OPHN1: variants seen among roughly 807,000 people sequenced by gnomAD.
OPHN1 encodes the protein oligophrenin-1.
OPHN1 carries 11 observed loss-of-function variants against 60.7 expected under a neutral mutation model. The ratio of observed to expected loss-of-function variants is 0.18; its 90% CI spans 0.11 to 0.30. The LOEUF is 0.30. Ranked by LOEUF, OPHN1 falls within the 10% of genes least tolerant of loss-of-function variation. OPHN1 has a pLI of 1.00. For missense variants in OPHN1, 449 were observed against 611.0 expected (o/e 0.73, Z 2.80); for synonymous variants, 226 against 222.6 (o/e 1.02, Z -0.14).
intron 15 of OPHN1, among the ~76,000 whole-genome samples, chrX:68,169,591 C>A (rs1487941951): frequency 4.2e-4 from 45 of 108,030 alleles, no homozygotes; most frequent in African/African-American, 1.5e-3. Context: ...AGATATAGAC[C>A]AATGGAACAG....
chrX:68,158,217 G>C (rs918016777), intron 15 of OPHN1, among the ~76,000 whole-genome samples: 1 of 112,804 alleles, frequency 8.9e-6, no homozygotes, highest in African/African-American at 3.2e-5. Context: ...AAGCAGTGTA[G>C]AAAGAGAAAC....
intron 15 of OPHN1, among the ~76,000 whole-genome samples, chrX:68,186,203 T>G (rs1159126922): frequency 9.0e-6 from 1 of 111,578 alleles, no homozygotes; most frequent in Admixed American, 9.6e-5. Flanking sequence ...CATTCTTCAC[T>G]GTTACATCCC....
At chrX:68,281,780 G>T (rs1405214345) in intron 4 of OPHN1, among the ~76,000 whole-genome samples, 1 of 112,190 alleles carries the variant, frequency 8.9e-6, no homozygotes, top group Non-Finnish European at 1.9e-5. Flanking sequence ...CACCAGAAAG[G>T]ATATACCGAT....
At chrX:68,075,731 A>G (rs1362435576) in intron 19 of OPHN1, among the ~76,000 whole-genome samples, 6 of 101,811 alleles carry the variant, frequency 5.9e-5, no homozygotes, top group Non-Finnish European at 7.9e-5. Flanking sequence ...AAGGCAATTC[A>G]GTGGAGAAAG....
chrX:68,376,017 C>G (rs1045495869), intron 2 of OPHN1, among the ~76,000 whole-genome samples: 4 of 111,732 alleles, frequency 3.6e-5, no homozygotes, highest in African/African-American at 1.3e-4. Flanking sequence ...GCTCTTCAGT[C>G]ACTGGATCTG....
chrX:68,081,550 A>T (rs909236296), intron 19 of OPHN1, among the ~76,000 whole-genome samples: 1 of 111,717 alleles, frequency 9.0e-6, no homozygotes, highest in Admixed American at 9.5e-5. Flanking sequence ...GAGCCACACA[A>T]TTTTTTCTGG....
chrX:68,175,155 C>T (rs1433641842), intron 15 of OPHN1, among the ~76,000 whole-genome samples: 1 of 110,821 alleles, frequency 9.0e-6, no homozygotes, highest in African/African-American at 3.3e-5. Context: ...ACAAATTCTT[C>T]CCTACAGAGA....
chrX:68,301,921 T>C (rs935477364), intron 2 of OPHN1, among the ~76,000 whole-genome samples: 1 of 112,674 alleles, frequency 8.9e-6, no homozygotes, highest in Non-Finnish European at 1.9e-5. Context: ...ATTGATTAAT[T>C]AGTGTAGACA....
chrX:68,357,670 G>T (rs1304918103), intron 2 of OPHN1, among the ~76,000 whole-genome samples: 2 of 110,693 alleles, frequency 1.8e-5, no homozygotes. Context: ...CATGTGGGTT[G>T]GTTCCAAGTC....
At chrX:68,296,456 G>A (rs890808858) in intron 3 of OPHN1, among the ~76,000 whole-genome samples, 23 of 109,851 alleles carry the variant, frequency 2.1e-4, no homozygotes, top group South Asian at 8.0e-4. Flanking sequence ...TCAGGTGTTC[G>A]AGACCAGCCT....
rs150824131 is a variant in OPHN1, at chrX:68,433,000, C to T, written c.21G>A (p.Glu7=). 1.7e-6 allele frequency: 2 copies of T among 1,207,930 alleles called. No individual in the cohort carries two copies. MGHPPL[E]FSDCYLDSPD... ...GGCTGTCCAGGTAGCAGTCGCTGAA[C>T]TCCAGCGGGGGATGACCCATGGTTC... The change falls in exon 2 of 25, where the codon GAG becomes GAA. Residue 7 remains glutamate, a synonymous_variant. Transcript: ENST00000355520.
Position 68,314,922 on chromosome X carries a change from G to A in OPHN1, c.155-15826C>T, listed in dbSNP as rs143127340. Among the ~76,000 whole-genome samples, 76 of 106,508 alleles carry A rather than the reference G, an allele frequency of 7.1e-4. 1 individual carries two copies. In the East Asian group the frequency reaches 0.022, roughly 31 times the overall value. 92.5% of individuals were successfully genotyped at this position (106,508 alleles called of 115,157 possible). A position where few individuals can be genotyped will look rare whatever the true frequency, so the allele number is the denominator to read the frequency against. On this transcript the variant is annotated intron_variant, in intron 2 of 24. Transcript: ENST00000355520. ...AACCGCTTGAACCCAGGAGGTGGAG[G>A]TTGCAGTGAGCCAAGATCGTGTCAC...
chrX:68,307,133 T>C (rs892026989), intron 2 of OPHN1, among the ~76,000 whole-genome samples: 12 of 111,291 alleles, frequency 1.1e-4, no homozygotes, highest in African/African-American at 3.6e-4. Context: ...TTACTATAGC[T>C]GTATTACATT....
intron 2 of OPHN1, among the ~76,000 whole-genome samples, chrX:68,333,669 G>T (rs183859941): frequency 2.9e-3 from 313 of 108,127 alleles, no homozygotes; most frequent in Non-Finnish European, 5.0e-3. Flanking sequence ...GCGCGCGTGC[G>T]TGCACACACA....
At chrX:68,407,960 CT>C (rs2078751628) in intron 2 of OPHN1, among the ~76,000 whole-genome samples, 1 of 112,094 alleles carries the variant, frequency 8.9e-6, no homozygotes, top group African/African-American at 3.2e-5. Context: ...TTTCTGCATT[CT>C]TTTTGTTGTT....
At chrX:68,141,933 AAAGAAAG>A (rs2077244805) in intron 15 of OPHN1, among the ~76,000 whole-genome samples, 1 of 106,565 alleles carries the variant, frequency 9.4e-6, no homozygotes, top group African/African-American at 3.4e-5. Context: ...AGAAAGAAAG[AAAGAAAG>A]AAAGAAAGAA....
At chrX:68,352,516 G>A (rs1343449577) in intron 2 of OPHN1, among the ~76,000 whole-genome samples, 1 of 111,025 alleles carries the variant, frequency 9.0e-6, no homozygotes, top group Non-Finnish European at 1.9e-5. Flanking sequence ...TAGTATCACT[G>A]GAGCTACAAT....
At chrX:68,281,634 C>T (rs867463617) in intron 4 of OPHN1, among the ~76,000 whole-genome samples, 1 of 111,575 alleles carries the variant, frequency 9.0e-6, no homozygotes, top group Admixed American at 9.5e-5. Context: ...AATAAAAAGA[C>T]AAGCCACAGA....
chrX:68,263,023 C>T (rs2077902485), intron 5 of OPHN1, among the ~76,000 whole-genome samples: 1 of 111,984 alleles, frequency 8.9e-6, no homozygotes, highest in African/African-American at 3.2e-5. Flanking sequence ...CAATAGAGTT[C>T]TGTTATAAAA....
Sources: allele counts gnomAD v4.1 joint callset (sites outside exome capture counted in the v4.1 genomes callset), GRCh38; gene constraint gnomAD v4.1.1; transcripts MANE v1.5; gene names NCBI Gene and HGNC (gene_info 2026-07-23, HGNC 2026-07-21).